Variants in SEMA4F observed in about 807,000 individuals in gnomAD.
SEMA4F encodes ssemaphorin 4F, also known as semaphorin-4F.
SEMA4F carries 51 observed loss-of-function variants against 78.4 expected under a neutral mutation model. The observed-to-expected ratio is 0.65, with a 90% CI of 0.52 to 0.82. SEMA4F has a LOEUF of 0.82. Ranked by LOEUF, SEMA4F falls within the 40% of genes least tolerant of loss-of-function variation. The probability of loss-of-function intolerance (pLI) is 0.00; values close to 1 mark genes in which losing one functional copy is unlikely to be tolerated. For missense variants in SEMA4F, 938 were observed against 1,014.4 expected (o/e 0.92, Z 1.02); for synonymous variants, 418 against 408.7 (o/e 1.02, Z -0.27).
At chr2:74,674,776 C>A in intron 8 of SEMA4F, 100 bp downstream of exon 8, 1 of 1,552,232 alleles carries the variant, frequency 6.4e-7, no homozygotes, top group Admixed American at 1.9e-5. Flanking sequence ...GCTCTCCCGC[C>A]TTTGGCTGCA....
chr2:74,684,411 C>T (rs888129564), downstream of SEMA4F, among the ~76,000 whole-genome samples: 5 of 151,938 alleles, frequency 3.3e-5, no homozygotes, highest in East Asian at 1.9e-4. Context: ...TTACTCATGC[C>T]GTATGTCTAT....
the SEMA4F span, among the ~76,000 whole-genome samples, chr2:74,706,947 C>T: frequency 1.4e-4 from 22 of 152,220 alleles, no homozygotes; most frequent in African/African-American, 5.1e-4. Flanking sequence ...AAGCAGGATC[C>T]CTGGTAGGCC....
chr2:74,692,042 G>A, the SEMA4F span, among the ~76,000 whole-genome samples: 5 of 152,274 alleles, frequency 3.3e-5, no homozygotes, highest in East Asian at 9.7e-4. Context: ...GGAAGCTGGT[G>A]GGGTGTGGGG....
At position 74,657,630 on chromosome 2, in the gene SEMA4F, T is replaced by A; in HGVS notation, c.357+6T>A. 1 of 1,613,866 alleles carries A rather than the reference T, an allele frequency of 6.2e-7. No individual in the cohort carries two copies. On this transcript the variant is annotated splice_donor_region_variant and intron_variant, in intron 3 of 13. Coordinates refer to ENST00000357877, the MANE Select transcript of SEMA4F (RefSeq NM_004263.5). ...GGAAGAAAGGCAAGAAAGAGGTAGG[T>A]GTAAATCTGAGCCCTGTCTTGAGTG...
chr2:74,698,289 G>A, the SEMA4F span, among the ~76,000 whole-genome samples: 1 of 152,214 alleles, frequency 6.6e-6, no homozygotes, highest in Non-Finnish European at 1.5e-5. Context: ...TCATAAGAAG[G>A]TTTTAAATGG....
intron 5 of SEMA4F, among the ~76,000 whole-genome samples, chr2:74,667,754 C>A (rs759484577): frequency 2.0e-5 from 3 of 152,138 alleles, no homozygotes; most frequent in South Asian, 2.1e-4. Context: ...CCTTGACAGG[C>A]CTTTTGTCTT....
the SEMA4F span, among the ~76,000 whole-genome samples, chr2:74,690,024 C>T: frequency 1.1e-4 from 16 of 152,314 alleles, no homozygotes; most frequent in Non-Finnish European, 1.6e-4. Flanking sequence ...AAGATACCCA[C>T]GCACAGAATT....
the SEMA4F span, among the ~76,000 whole-genome samples, chr2:74,692,463 A>G: frequency 2.6e-5 from 4 of 152,178 alleles, no homozygotes; most frequent in Non-Finnish European, 5.9e-5. Context: ...CTTCAGCCCC[A>G]TTGTGGGGCT....
the SEMA4F span, among the ~76,000 whole-genome samples, chr2:74,701,672 T>G: frequency 6.6e-6 from 1 of 152,088 alleles, no homozygotes; most frequent in Non-Finnish European, 1.5e-5. Flanking sequence ...ATTGACTGAG[T>G]AGTTGGTGAA....
chr2:74,708,948 T>A, the SEMA4F span, among the ~76,000 whole-genome samples: 1 of 152,144 alleles, frequency 6.6e-6, no homozygotes, highest in Non-Finnish European at 1.5e-5. Context: ...AGAGGATCGC[T>A]TGAGCCCAGG....
At position 74,674,355 on chromosome 2, in the gene SEMA4F, C is replaced by G. The variant is rs3025992; in HGVS notation, c.823-143C>G. The stretch of plus-strand genomic sequence containing the variant: ...TTATCCCCGCAGCTACTCTGTGTGG[C>G]TCTCTGTCCTTGCATTTGTATGTAT... On this transcript the variant is annotated intron_variant, in intron 7 of 13. Coordinates refer to ENST00000357877, the MANE Select transcript of SEMA4F (RefSeq NM_004263.5). 175 of 683,564 alleles carry G rather than the reference C, an allele frequency of 2.6e-4. No homozygotes were observed. In the East Asian group the frequency reaches 4.8e-3, roughly 19 times the overall value. 42.3% of individuals were successfully genotyped at this position (683,564 alleles called of 1,614,324 possible).
chr2:74,686,988 A>T (rs892028591), downstream of SEMA4F, among the ~76,000 whole-genome samples: 14 of 149,412 alleles, frequency 9.4e-5, no homozygotes, highest in Admixed American at 4.0e-4. Context: ...AGTATAATTT[A>T]AAAAAAAAAG....
At chr2:74,660,724 A>G (rs1684385728) in intron 4 of SEMA4F, among the ~76,000 whole-genome samples, 1 of 152,214 alleles carries the variant, frequency 6.6e-6, no homozygotes, top group Non-Finnish European at 1.5e-5. Context: ...CACCTCTTCA[A>G]AGGTTAGAAA....
chr2:74,668,114 G>T (rs1684787780), intron 5 of SEMA4F, among the ~76,000 whole-genome samples: 1 of 152,182 alleles, frequency 6.6e-6, no homozygotes, highest in Non-Finnish European at 1.5e-5. Flanking sequence ...AGAGACAGCA[G>T]TCAGTTGTCT....
chr2:74,690,703 T>A, the SEMA4F span, among the ~76,000 whole-genome samples: 1 of 152,232 alleles, frequency 6.6e-6, no homozygotes, highest in Non-Finnish European at 1.5e-5. Context: ...CCGACTAACA[T>A]TGAACACAAG....
At chr2:74,693,816 G>T in the SEMA4F span, among the ~76,000 whole-genome samples, 2 of 151,964 alleles carry the variant, frequency 1.3e-5, no homozygotes, top group Admixed American at 6.6e-5. Flanking sequence ...TTGCTACAGT[G>T]TTCCTTTGTG....
rs759148137 is a variant in SEMA4F, at chr2:74,673,406, G to A, written c.551-51G>A. ...CCCTACTCTGCCTGTGACCTCTGTT[G>A]CTTCCCTCAGTGGGTCCCTGATAGC... On this transcript the variant is annotated intron_variant, in intron 5 of 13. Coordinates refer to ENST00000357877, the MANE Select transcript of SEMA4F (RefSeq NM_004263.5). 3 of 1,608,306 alleles carry A rather than the reference G, an allele frequency of 1.9e-6. No homozygotes were observed. In the Admixed American group the frequency reaches 5.0e-5, roughly 27 times the overall value.
chr2:74,702,064 C>G, the SEMA4F span, among the ~76,000 whole-genome samples: 1 of 152,192 alleles, frequency 6.6e-6, no homozygotes, highest in Non-Finnish European at 1.5e-5. Context: ...CTCCATGGCT[C>G]TTCCGAGCCT....
the SEMA4F span, among the ~76,000 whole-genome samples, chr2:74,696,674 C>T: frequency 3.9e-5 from 6 of 152,088 alleles, no homozygotes; most frequent in African/African-American, 1.2e-4. Flanking sequence ...AGAACTTACT[C>T]ATGTAACCAA....
Sources: allele counts gnomAD v4.1 joint callset (sites outside exome capture counted in the v4.1 genomes callset), GRCh38; gene constraint gnomAD v4.1.1; transcripts MANE v1.5; gene names NCBI Gene and HGNC (gene_info 2026-07-23, HGNC 2026-07-21).